Variants in GFRA2 observed in about 807,000 individuals in gnomAD.
GFRA2 encodes GDNF family receptor alpha 2, also known as GDNF family receptor alpha-2.
In GFRA2, 17 loss-of-function variants were observed where a neutral mutation model predicts 48.3. The observed-to-expected ratio is 0.35, with a 90% CI of 0.24 to 0.53. GFRA2 has a LOEUF of 0.53. GFRA2 is among the 20% of genes least tolerant of loss of function. The pLI is 0.93. For synonymous variants in GFRA2, 305 were observed against 257.2 expected, an observed-to-expected ratio of 1.19 and a Z score of -1.78; for missense variants, 660 against 637.3, an observed-to-expected ratio of 1.04 and a Z score of -0.38.
chr8:21,791,744 C>T (rs1396500450), upstream of GFRA2, among the ~76,000 whole-genome samples: 1 of 152,184 alleles, frequency 6.6e-6, no homozygotes, highest in Non-Finnish European at 1.5e-5. Context: ...AAGTTGTTTA[C>T]TGCTTTGCTC....
chr8:21,803,830 G>T (rs1807812063), intron 2 of GFRA2, among the ~76,000 whole-genome samples: 1 of 152,078 alleles, frequency 6.6e-6, no homozygotes, highest in African/African-American at 2.4e-5. Context: ...ATAGGGTCTT[G>T]CCATGTTGCC....
At chr8:21,737,915 T>C (rs1804550516) in intron 4 of GFRA2, among the ~76,000 whole-genome samples, 1 of 152,208 alleles carries the variant, frequency 6.6e-6, no homozygotes, top group Non-Finnish European at 1.5e-5. Flanking sequence ...TTTGAAGGAA[T>C]GATGTTTACC....
At chr8:21,778,217 G>A (rs1196254530) in intron 2 of GFRA2, among the ~76,000 whole-genome samples, 1 of 145,344 alleles carries the variant, frequency 6.9e-6, no homozygotes, top group African/African-American at 2.6e-5. Context: ...CAAGGAACAG[G>A]GAGGAAGGAC....
rs200687629 is a variant in GFRA2, at chr8:21,775,989, C to CTGTGTGTG, written c.356-942_356-935dup. The stretch of plus-strand genomic sequence containing the variant: ...AAATTGATGGCTCACCACTCATCCT[C>CTGTGTGTG]TGTGTGTGTGTGTGTGTGTGTGTGT... On this transcript the variant is annotated intron_variant, in intron 2 of 8. Coordinates refer to ENST00000524240, the MANE Select transcript of GFRA2 (RefSeq NM_001495.5). Among the ~76,000 whole-genome samples the CTGTGTGTG allele has an allele frequency of 2.4e-3, 298 of 126,464 alleles. 4 individuals carry two copies. Among genetic ancestry groups the CTGTGTGTG allele is most frequent in the South Asian group, 3.7e-3 (13 of 3,536 alleles). 83.0% of individuals were successfully genotyped at this position (126,464 alleles called of 152,430 possible). A position where few individuals can be genotyped will look rare whatever the true frequency, so the allele number is the denominator to read the frequency against.
At chr8:21,780,958 C>A (rs1806954567) in intron 2 of GFRA2, 1 of 151,744 alleles carries the variant, frequency 6.6e-6, no homozygotes, top group Non-Finnish European at 1.5e-5. Flanking sequence ...CCCATCTCTA[C>A]CAAAAAAATA....
At chr8:21,723,730 A>G (rs1196653011) in intron 4 of GFRA2, among the ~76,000 whole-genome samples, 2 of 152,190 alleles carry the variant, frequency 1.3e-5, no homozygotes, top group Non-Finnish European at 2.9e-5. Context: ...GGAGGTCGCC[A>G]AGACCACTCA....
At chr8:21,768,924 C>T (rs1405876282) in intron 3 of GFRA2, among the ~76,000 whole-genome samples, 3 of 152,166 alleles carry the variant, frequency 2.0e-5, no homozygotes, top group South Asian at 4.1e-4. Context: ...CTTCATCACC[C>T]CAGGCTTAGC....
chr8:21,767,362 G>A (rs1343890481), intron 3 of GFRA2, among the ~76,000 whole-genome samples: 4 of 152,068 alleles, frequency 2.6e-5, no homozygotes, highest in East Asian at 3.8e-4. Context: ...TATGCCATGC[G>A]TACTTACACT....
At chr8:21,721,099 A>G (rs1340314211) in intron 4 of GFRA2, among the ~76,000 whole-genome samples, 2 of 152,064 alleles carry the variant, frequency 1.3e-5, no homozygotes, top group African/African-American at 2.4e-5. Context: ...GACTTTCTCT[A>G]AGCAGCAGGA....
In GFRA2 at chr8:21,693,509, A is replaced by G. The variant is rs1040433418; in HGVS notation, c.1273-109T>C. 16 of 1,014,094 alleles carry G rather than the reference A, an allele frequency of 1.6e-5. No individual in the cohort carries two copies. The Admixed American group carries it at 2.2e-4, about 14-fold the overall frequency. The allele number at this position is 1,014,094 out of a possible 1,614,324, so 62.8% of individuals were successfully genotyped here. A position where few individuals can be genotyped will look rare whatever the true frequency, so the allele number is the denominator to read the frequency against. ...AACGGACTCAGGAACTGGACACCTC[A>G]AGCCCCTGTCCTCTCTTCCACCCAC... On this transcript the variant is annotated intron_variant, in intron 8 of 8. Transcript: ENST00000524240.
At chr8:21,763,110 A>G (rs1381082204) in intron 3 of GFRA2, among the ~76,000 whole-genome samples, 2 of 152,220 alleles carry the variant, frequency 1.3e-5, no homozygotes, top group Non-Finnish European at 2.9e-5. Flanking sequence ...AAAACTGAAT[A>G]TATCTTAAAA....
intron 3 of GFRA2, among the ~76,000 whole-genome samples, chr8:21,760,024 G>T (rs1402170239): frequency 1.3e-5 from 2 of 152,006 alleles, no homozygotes; most frequent in Non-Finnish European, 2.9e-5. Flanking sequence ...CAAGGTAAGA[G>T]AATTCCAAGC....
In GFRA2 at chr8:21,728,704, G is replaced by A. The variant is rs118136382; in HGVS notation, c.794+21884C>T. Among the ~76,000 whole-genome samples the A allele has an allele frequency of 8.8e-3, 1,336 of 152,270 alleles. 15 individuals are homozygous for A. The highest frequency in any genetic ancestry group is 0.014 in the Non-Finnish European group (961 of 68,020). Reference sequence around the variant, plus strand: ...TAGGCCCTGCTTCAAGTTTCTGCTCGACCTTATCATAAGCCATGTGACCTT... The same window carrying A: ...TAGGCCCTGCTTCAAGTTTCTGCTCAACCTTATCATAAGCCATGTGACCTT... On this transcript the variant is annotated intron_variant, in intron 4 of 8. Transcript: ENST00000524240.
intron 3 of GFRA2, among the ~76,000 whole-genome samples, chr8:21,757,641 G>T (rs148915479): frequency 6.6e-6 from 1 of 151,968 alleles, no homozygotes; most frequent in African/African-American, 2.4e-5. Context: ...GATTACAGGC[G>T]CCTGCCACCA....
In GFRA2 at chr8:21,787,266, G is replaced by GT. The variant is rs1415191118; in HGVS notation, c.40+853_40+854insA. Among the ~76,000 whole-genome samples, 7 of 149,630 alleles carry GT rather than the reference G, an allele frequency of 4.7e-5. No homozygotes were observed. The East Asian group carries it at 1.0e-3, about 21-fold the overall frequency. On this transcript the variant is annotated intron_variant, in intron 1 of 8. Coordinates refer to ENST00000524240, the MANE Select transcript of GFRA2 (RefSeq NM_001495.5). ...CTCCTCCCTGTCTTGGAGGCGGCGGGGGGGGCAGTGGGGGGGGTTTGCAGA... is the reference window on the plus strand; with the variant it reads ...CTCCTCCCTGTCTTGGAGGCGGCGGGTGGGGGCAGTGGGGGGGGTTTGCAGA...
At position 21,728,435 on chromosome 8, in the gene GFRA2, C is replaced by T. The variant is rs183144893; in HGVS notation, c.794+22153G>A. Among the ~76,000 whole-genome samples the T allele has an allele frequency of 2.2e-4, 34 of 152,020 alleles. No individual in the cohort carries two copies. In the East Asian group the frequency reaches 3.9e-3, roughly 17 times the overall value. On this transcript the variant is annotated intron_variant, in intron 4 of 8. Coordinates refer to ENST00000524240, the MANE Select transcript of GFRA2 (RefSeq NM_001495.5). ...AATTACAGGCACATACCACCACACC[C>T]GGCTATTGTTTGTATTTTTAGTAGA... is the stretch of plus-strand genomic sequence containing the variant.
chr8:21,747,135 C>T (rs558474114), intron 4 of GFRA2, among the ~76,000 whole-genome samples: 1 of 152,276 alleles, frequency 6.6e-6, no homozygotes, highest in Non-Finnish European at 1.5e-5. Flanking sequence ...CTTTTCCAGC[C>T]CCTTCAAGGC....
rs1801950938 is a variant in GFRA2, at chr8:21,693,117, C to A, written c.*161G>T. The A allele has an allele frequency of 1.7e-6, 1 of 604,186 alleles. No homozygotes were observed. The highest frequency in any genetic ancestry group is 2.5e-6 in the Non-Finnish European group (1 of 396,750). 37.4% of individuals were successfully genotyped at this position (604,186 alleles called of 1,614,324 possible). On this transcript the variant is annotated 3_prime_UTR_variant, in exon 9 of 9. Coordinates refer to ENST00000524240, the MANE Select transcript of GFRA2 (RefSeq NM_001495.5). ...TTGTCTGTTTGGTTTACAAAAACTT[C>A]TCCAGAGAAGAAACCTGGGAGGAGA...
intron 4 of GFRA2, among the ~76,000 whole-genome samples, chr8:21,718,862 C>T (rs1018281266): frequency 2.6e-5 from 4 of 152,196 alleles, no homozygotes; most frequent in Non-Finnish European, 5.9e-5. Flanking sequence ...AGTGGGTTTT[C>T]TGGTTTTTCC....
Sources: gnomAD v4.1 joint callset for allele counts (sites outside exome capture counted in the v4.1 genomes callset) on GRCh38, gnomAD v4.1.1 for gene constraint, MANE v1.5 for transcripts, NCBI Gene and HGNC (gene_info 2026-07-23, HGNC 2026-07-21) for gene names.